XPR1: variants seen among roughly 807,000 people sequenced by gnomAD.
The protein encoded by XPR1 is xenotropic and polytropic retrovirus receptor 1.
XPR1 carries 28 observed loss-of-function variants against 87.5 expected under a neutral mutation model. The ratio of observed to expected loss-of-function variants is 0.32; its 90% CI spans 0.24 to 0.44. The LOEUF (loss-of-function observed/expected upper bound fraction) is 0.44, where lower values mean the gene tolerates loss of function less well. XPR1 is among the 20% of genes least tolerant of loss of function. XPR1 has a pLI of 1.00. For synonymous variants in XPR1, 300 were observed against 306.1 expected (o/e 0.98, Z 0.21); for missense variants, 559 against 862.3 (o/e 0.65, Z 4.41).
chr1:180,864,519 C>G (rs1382830676), intron 12 of XPR1, among the ~76,000 whole-genome samples: 1 of 152,030 alleles, frequency 6.6e-6, no homozygotes, highest in Non-Finnish European at 1.5e-5. Context: ...CATGAAAAGA[C>G]AAAGGAGAAG....
intron 2 of XPR1, among the ~76,000 whole-genome samples, chr1:180,722,494 T>C (rs1338731469): frequency 6.6e-6 from 1 of 152,216 alleles, no homozygotes; most frequent in Non-Finnish European, 1.5e-5. Flanking sequence ...TTGTAGAAAT[T>C]AGTTGAGAAA....
chr1:180,667,151 G>A (rs921201372), intron 1 of XPR1, among the ~76,000 whole-genome samples: 5 of 152,186 alleles, frequency 3.3e-5, no homozygotes, highest in Admixed American at 2.0e-4. Flanking sequence ...CTGAACTCAA[G>A]CGATCTGCCT....
At chr1:180,846,448 TA>T (rs1205438549) in intron 11 of XPR1, among the ~76,000 whole-genome samples, 55 of 119,840 alleles carry the variant, frequency 4.6e-4, no homozygotes, top group Non-Finnish European at 6.6e-4. Context: ...TTTATTTATT[TA>T]TTTTTTTTTT....
intron 2 of XPR1, among the ~76,000 whole-genome samples, chr1:180,683,260 C>A (rs1656647297): frequency 6.6e-6 from 1 of 151,986 alleles, no homozygotes; most frequent in African/African-American, 2.4e-5. Context: ...ATGATGGTTT[C>A]CAGTTTCATC....
At chr1:180,763,577 T>C (rs1648137559) in intron 2 of XPR1, among the ~76,000 whole-genome samples, 1 of 152,192 alleles carries the variant, frequency 6.6e-6, no homozygotes, top group Non-Finnish European at 1.5e-5. Context: ...TCAAGGTGAT[T>C]GTGATAAGAG....
intron 6 of XPR1, among the ~76,000 whole-genome samples, chr1:180,808,281 A>C (rs572605698): frequency 1.0e-3 from 152 of 150,674 alleles, no homozygotes; most frequent in African/African-American, 2.8e-3. Context: ...GTTGAATTCC[A>C]TATACCAAAA....
intron 1 of XPR1, among the ~76,000 whole-genome samples, chr1:180,673,528 C>T (rs1656255912): frequency 6.6e-6 from 1 of 152,164 alleles, no homozygotes; most frequent in African/African-American, 2.4e-5. Context: ...AGTACTGGGC[C>T]ATGGCCTGTT....
chr1:180,708,414 A>G (rs559481984), intron 2 of XPR1, among the ~76,000 whole-genome samples: 1 of 152,338 alleles, frequency 6.6e-6, no homozygotes, highest in African/African-American at 2.4e-5. Context: ...AACATTATGA[A>G]CGTACTTAAT....
At chr1:180,845,991 G>A (rs1026437971) in intron 11 of XPR1, among the ~76,000 whole-genome samples, 12 of 152,200 alleles carry the variant, frequency 7.9e-5, no homozygotes, top group Non-Finnish European at 1.3e-4. Context: ...TGGGCACGGT[G>A]GCTCACGCCT....
intron 1 of XPR1, among the ~76,000 whole-genome samples, chr1:180,647,688 C>T (rs1245773365): frequency 2.6e-5 from 4 of 152,134 alleles, no homozygotes; most frequent in South Asian, 4.1e-4. Flanking sequence ...CACCTGAGGT[C>T]GGGAGTTTGA....
chr1:180,734,144 T>A (rs1292172254), intron 2 of XPR1, among the ~76,000 whole-genome samples: 1 of 152,190 alleles, frequency 6.6e-6, no homozygotes, highest in Non-Finnish European at 1.5e-5. Context: ...GGTTACTGAA[T>A]TTAGTGTTGG....
intron 12 of XPR1, among the ~76,000 whole-genome samples, chr1:180,866,238 A>G (rs1652386538): frequency 1.3e-5 from 2 of 152,038 alleles, no homozygotes; most frequent in South Asian, 2.1e-4. Context: ...ACAAAAAACT[A>G]AAACAAAAGG....
At chr1:180,780,767 CAAA>C (rs756960289) in intron 2 of XPR1, among the ~76,000 whole-genome samples, 11 of 106,066 alleles carry the variant, frequency 1.0e-4, no homozygotes, top group Admixed American at 4.0e-4. Flanking sequence ...GACTCTGTCT[CAAA>C]AAAAAAAAAA....
chr1:180,644,138 C>T (rs112707690), intron 1 of XPR1, among the ~76,000 whole-genome samples: 226 of 152,216 alleles, frequency 1.5e-3, no homozygotes, highest in African/African-American at 5.2e-3. Context: ...ACATTCTAGG[C>T]TAAAATACGT....
chr1:180,711,167 C>T (rs1208340880), intron 2 of XPR1, among the ~76,000 whole-genome samples: 293 of 147,548 alleles, frequency 2.0e-3, no homozygotes, highest in African/African-American at 6.4e-3. Flanking sequence ...ACATCTCAGA[C>T]GATGGGCGGC....
At chr1:180,818,067 T>C (rs1292295156) in intron 7 of XPR1, among the ~76,000 whole-genome samples, 1 of 152,092 alleles carries the variant, frequency 6.6e-6, no homozygotes, top group Non-Finnish European at 1.5e-5. Context: ...TGGTGATTTG[T>C]TTTTTAAAAA....
chr1:180,881,453 G>A (rs1652851879), intron 14 of XPR1, among the ~76,000 whole-genome samples: 2 of 152,174 alleles, frequency 1.3e-5, no homozygotes, highest in South Asian at 2.1e-4. Flanking sequence ...ATGAGCCACC[G>A]CACCCAGCCA....
chr1:180,726,903 C>G (rs1224796280), intron 2 of XPR1, among the ~76,000 whole-genome samples: 1 of 147,458 alleles, frequency 6.8e-6, no homozygotes, highest in African/African-American at 2.5e-5. Flanking sequence ...GAGATGGAGT[C>G]TCGCTTTGGC....
rs370571414 is a variant in XPR1, at chr1:180,823,106, C to T, written c.764-1647C>T. Among the ~76,000 whole-genome samples, 40 of 151,910 alleles carry T rather than the reference C, an allele frequency of 2.6e-4. No individual in the cohort carries two copies. In the South Asian group the frequency reaches 7.7e-3, roughly 29 times the overall value. Reference sequence around the variant, plus strand: ...AATACAAAAAATTAGCTGGGTGTGGCGTCACGCATCTGTAATCCCAGCCAC... The same window carrying T: ...AATACAAAAAATTAGCTGGGTGTGGTGTCACGCATCTGTAATCCCAGCCAC... On this transcript the variant is annotated intron_variant, in intron 7 of 14. Coordinates refer to ENST00000367590, the MANE Select transcript of XPR1 (RefSeq NM_004736.4).
Sources: allele counts gnomAD v4.1 joint callset (sites outside exome capture counted in the v4.1 genomes callset), GRCh38; gene constraint gnomAD v4.1.1; transcripts MANE v1.5; gene names NCBI Gene and HGNC (gene_info 2026-07-23, HGNC 2026-07-21).